Variants in TIMM17A observed in about 807,000 individuals in gnomAD.
The protein encoded by TIMM17A is mitochondrial import inner membrane translocase subunit Tim17-A.
A neutral mutation model predicts 26.5 loss-of-function variants in TIMM17A; 15 were observed. The observed-to-expected ratio is 0.57, with a 90% CI of 0.38 to 0.87. The LOEUF (loss-of-function observed/expected upper bound fraction) is 0.87, where lower values mean the gene tolerates loss of function less well. Ranked by LOEUF, TIMM17A falls within the 40% of genes least tolerant of loss-of-function variation. The probability of loss-of-function intolerance (pLI) is 0.00; values close to 1 mark genes in which losing one functional copy is unlikely to be tolerated. For synonymous variants in TIMM17A, 80 were observed against 70.8 expected, an observed-to-expected ratio of 1.13 and a Z score of -0.66; for missense variants, 201 against 210.0, an observed-to-expected ratio of 0.96 and a Z score of 0.27.
chr1:201,957,598 T>A (rs758369988), intron 3 of TIMM17A, 24 bp downstream of exon 3: 1 of 1,580,950 alleles, frequency 6.3e-7, no homozygotes, highest in South Asian at 1.1e-5. Context: ...TCATTTTAAC[T>A]GAACTATTTT....
intron 4 of TIMM17A, among the ~76,000 whole-genome samples, chr1:201,965,108 C>T (rs950737971): frequency 4.0e-5 from 6 of 151,834 alleles, no homozygotes; most frequent in Non-Finnish European, 7.4e-5. Context: ...CCCGCCACCA[C>T]GTCAAGCTAA....
intron 3 of TIMM17A, chr1:201,962,305 A>C (rs1682547496): frequency 6.6e-6 from 1 of 152,212 alleles, no homozygotes; most frequent in South Asian, 2.1e-4. Context: ...AAAAATGAGG[A>C]TGCTTATGCT....
intron 1 of TIMM17A, among the ~76,000 whole-genome samples, chr1:201,956,873 T>G (rs946569256): frequency 2.0e-5 from 3 of 151,768 alleles, no homozygotes; most frequent in African/African-American, 7.3e-5. Context: ...GGAGAATCAC[T>G]TGAACCCAGG....
At chr1:201,965,071 C>A (rs1004232778) in intron 4 of TIMM17A, among the ~76,000 whole-genome samples, 2 of 152,092 alleles carry the variant, frequency 1.3e-5, no homozygotes, top group Non-Finnish European at 2.9e-5. Flanking sequence ...CCTGCCTCAG[C>A]CTCCTGAGAA....
At chr1:201,956,700 G>A (rs993237327) in intron 1 of TIMM17A, among the ~76,000 whole-genome samples, 1 of 152,168 alleles carries the variant, frequency 6.6e-6, no homozygotes, top group East Asian at 1.9e-4. Context: ...GGTGGCTCAC[G>A]CCTGTAATCC....
chr1:201,964,747 C>G (rs536483082), intron 4 of TIMM17A, among the ~76,000 whole-genome samples: 2 of 140,024 alleles, frequency 1.4e-5, no homozygotes, highest in East Asian at 4.5e-4. Flanking sequence ...CTCCCGGGTT[C>G]AAGCGATTCT....
At chr1:201,961,536 G>T (rs1230814988) in intron 3 of TIMM17A, among the ~76,000 whole-genome samples, 1 of 152,032 alleles carries the variant, frequency 6.6e-6, no homozygotes, top group Admixed American at 6.6e-5. Context: ...TCTCCAAAGA[G>T]CCCCAGTTCC....
intron 1 of TIMM17A, among the ~76,000 whole-genome samples, 196 bp from the exon 2 acceptor site, chr1:201,957,085 G>A (rs1342219319): frequency 1.3e-5 from 2 of 151,958 alleles, no homozygotes; most frequent in Admixed American, 1.3e-4. Context: ...TATCTTTGTA[G>A]TCAAAACTGC....
chr1:201,966,869 T>C (rs1389292299), intron 5 of TIMM17A, among the ~76,000 whole-genome samples: 1 of 137,740 alleles, frequency 7.3e-6, no homozygotes, highest in East Asian at 2.1e-4. Context: ...ATAACATATA[T>C]ATGTTATATA....
chr1:201,958,062 G>A (rs6698097), intron 3 of TIMM17A: 12,369 of 153,746 alleles, frequency 0.08, 542 homozygotes, highest in Middle Eastern at 0.18. Flanking sequence ...ACTTGAACCC[G>A]GGAGGCGGAG....
At chr1:201,955,667 G>A (rs1682396687) in intron 1 of TIMM17A, 115 bp downstream of exon 1, 7 of 1,455,552 alleles carry the variant, frequency 4.8e-6, no homozygotes, top group Non-Finnish European at 6.7e-6. Context: ...CGTCGACTTG[G>A]GCCTGGTAAC....
At chr1:201,969,113 A>G (rs551070744) in intron 5 of TIMM17A, among the ~76,000 whole-genome samples, 26 of 152,328 alleles carry the variant, frequency 1.7e-4, no homozygotes, top group African/African-American at 6.0e-4. Context: ...GAAAAATATG[A>G]CAAGAAGTGG....
intron 4 of TIMM17A, 60 bp from the exon 5 acceptor site, chr1:201,965,373 A>G (rs1384890593): frequency 1.1e-5 from 13 of 1,185,388 alleles, no homozygotes; most frequent in Middle Eastern, 2.0e-4. Context: ...CTTCTTTACT[A>G]TCTCTTACAG....
chr1:201,965,058 TCTC>T (rs1416572406), intron 4 of TIMM17A, among the ~76,000 whole-genome samples: 8 of 151,906 alleles, frequency 5.3e-5, no homozygotes, highest in South Asian at 2.1e-4. Flanking sequence ...TTCAAGCAAT[TCTC>T]CTGCCTCAGC....
chr1:201,967,015 G>GTGTGTGTGTGTGTGTATA (rs59893489), intron 5 of TIMM17A, among the ~76,000 whole-genome samples: 1 of 118,836 alleles, frequency 8.4e-6, no homozygotes, highest in Non-Finnish European at 1.7e-5. Context: ...GTGTGTGTGT[G>GTGTGTGTGTGTGTGTATA]TATATATATA....
intron 5 of TIMM17A, among the ~76,000 whole-genome samples, chr1:201,968,723 A>G (rs535893163): frequency 6.6e-6 from 1 of 152,158 alleles, no homozygotes; most frequent in Non-Finnish European, 1.5e-5. Context: ...TGTAATTAAC[A>G]GATAGTTGCA....
At chr1:201,965,602 A>C (rs996853487) in intron 5 of TIMM17A, 59 bp downstream of exon 5, 6 of 1,078,212 alleles carry the variant, frequency 5.6e-6, no homozygotes, top group Admixed American at 1.7e-5. Flanking sequence ...TCTGATGTTA[A>C]GAAAGAACAT....
intron 4 of TIMM17A, among the ~76,000 whole-genome samples, chr1:201,964,817 T>TTTTTGTAA (rs1682599548): frequency 6.8e-6 from 1 of 146,172 alleles, no homozygotes. Context: ...CCTGGCTAAT[T>TTTTTGTAA]TTTTGTATTT....
chr1:201,969,353 G>A, intron 5 of TIMM17A, 116 bp from the exon 6 acceptor site: 1 of 802,740 alleles, frequency 1.2e-6, no homozygotes, highest in Non-Finnish European at 2.0e-6. Context: ...TAGGGTTATA[G>A]CTTTAATTTA....
Sources: gnomAD v4.1 joint callset for allele counts (sites outside exome capture counted in the v4.1 genomes callset) on GRCh38, gnomAD v4.1.1 for gene constraint, MANE v1.5 for transcripts, NCBI Gene and HGNC (gene_info 2026-07-23, HGNC 2026-07-21) for gene names.